ERG: variants seen among roughly 807,000 people sequenced by gnomAD.
ERG encodes the protein transcriptional regulator ERG.
A neutral mutation model predicts 55.3 loss-of-function variants in ERG; 9 were observed. That is an observed-to-expected ratio of 0.16 (90% CI 0.10 to 0.28). The LOEUF (loss-of-function observed/expected upper bound fraction) is 0.28. ERG is among the 10% of genes least tolerant of loss of function. ERG has a pLI of 1.00. For missense variants in ERG, 434 were observed against 631.6 expected, an observed-to-expected ratio of 0.69 and a Z score of 3.35; for synonymous variants, 223 against 237.3, an observed-to-expected ratio of 0.94 and a Z score of 0.55.
At chr21:38,390,445 A>AGAT (rs1210910842) in intron 9 of ERG, among the ~76,000 whole-genome samples, 1 of 152,116 alleles carries the variant, frequency 6.6e-6, no homozygotes, top group Non-Finnish European at 1.5e-5. Flanking sequence ...CCTTTTTTGG[A>AGAT]GATAAGATCC....
In ERG at chr21:38,623,176, T is replaced by TAC. The variant is rs541547007; in HGVS notation, c.-149-38233_-149-38232dup. 2.6e-3 allele frequency among the ~76,000 whole-genome samples: 368 copies of TAC among 143,866 alleles called. 1 individual carries two copies. Among genetic ancestry groups the TAC allele is most frequent in the African/African-American group, 8.8e-3 (337 of 38,324 alleles). The allele number at this position is 143,866 out of a possible 152,430, so 94.4% of individuals were successfully genotyped here. ...ACATGCCACACACACACACATTACA[T>TAC]ACACACTAAATACACACCACATGCT... On this transcript the variant is annotated intron_variant, in intron 1 of 10. Coordinates refer to the ERG transcript ENST00000398910.
chr21:38,555,711 C>T (rs2146825907), intron 2 of ERG, among the ~76,000 whole-genome samples: 1 of 152,250 alleles, frequency 6.6e-6, no homozygotes, highest in East Asian at 1.9e-4. Context: ...ATCATCAGTA[C>T]ACTTCTAATA....
intron 2 of ERG, among the ~76,000 whole-genome samples, chr21:38,541,839 T>C (rs1041072529): frequency 6.6e-6 from 1 of 152,138 alleles, no homozygotes; most frequent in Non-Finnish European, 1.5e-5. Context: ...GGTTGATAGG[T>C]GCAGGGAACC....
downstream of ERG, among the ~76,000 whole-genome samples, chr21:38,377,244 A>G (rs1987267488): frequency 6.6e-6 from 1 of 152,216 alleles, no homozygotes; most frequent in African/African-American, 2.4e-5. Context: ...AGTAGTAGCA[A>G]TTAGTATTAT....
chr21:38,632,115 C>T (rs1485342614), intron 1 of ERG, among the ~76,000 whole-genome samples: 2 of 152,084 alleles, frequency 1.3e-5, no homozygotes, highest in Non-Finnish European at 2.9e-5. Context: ...CTGTAGCCAA[C>T]CATCCAGATG....
At chr21:38,564,572 T>G (rs537713107) in intron 2 of ERG, among the ~76,000 whole-genome samples, 1 of 151,802 alleles carries the variant, frequency 6.6e-6, no homozygotes, top group East Asian at 1.9e-4. Context: ...CTGTCTGCAC[T>G]TCTTCTCTCT....
intron 1 of ERG, among the ~76,000 whole-genome samples, chr21:38,596,197 G>GT (rs1167267471): frequency 1.3e-5 from 2 of 152,192 alleles, no homozygotes; most frequent in Non-Finnish European, 2.9e-5. Flanking sequence ...GCAGTGCAAG[G>GT]TGCAGGCAGA....
chr21:38,464,731 A>G (rs1352111580), intron 1 of ERG, among the ~76,000 whole-genome samples: 1 of 151,804 alleles, frequency 6.6e-6, no homozygotes, highest in Non-Finnish European at 1.5e-5. Context: ...CTACCCCCCG[A>G]GAGGCCCTGG....
intron 1 of ERG, among the ~76,000 whole-genome samples, chr21:38,473,735 C>T (rs956762729): frequency 3.3e-5 from 5 of 152,042 alleles, no homozygotes; most frequent in African/African-American, 4.8e-5. Context: ...TTAAAGTTCA[C>T]TTAAGTTTTA....
intron 2 of ERG, among the ~76,000 whole-genome samples, chr21:38,430,684 T>C (rs554655422): frequency 1.3e-5 from 2 of 152,190 alleles, no homozygotes; most frequent in African/African-American, 4.8e-5. Flanking sequence ...GAGAAAGAAC[T>C]GAACAATAGC....
chr21:38,628,489 C>T (rs896569031), intron 1 of ERG, among the ~76,000 whole-genome samples: 3 of 152,096 alleles, frequency 2.0e-5, no homozygotes, highest in Non-Finnish European at 2.9e-5. Flanking sequence ...ATCTAAGGAC[C>T]GAGGGAGGGG....
At chr21:38,595,525 G>C (rs2060125809) in intron 1 of ERG, among the ~76,000 whole-genome samples, 1 of 152,208 alleles carries the variant, frequency 6.6e-6, no homozygotes, top group Admixed American at 6.5e-5. Flanking sequence ...TGTGAGGTTG[G>C]TCAATGGAAG....
At chr21:38,447,380 A>G (rs773915957) in intron 1 of ERG, among the ~76,000 whole-genome samples, 7 of 151,744 alleles carry the variant, frequency 4.6e-5, no homozygotes, top group Non-Finnish European at 4.4e-5. Flanking sequence ...CAGTAATGCA[A>G]AATGTACCAA....
chr21:38,542,741 C>CA (rs2059762065), intron 2 of ERG, among the ~76,000 whole-genome samples: 1 of 151,884 alleles, frequency 6.6e-6, no homozygotes, highest in Non-Finnish European at 1.5e-5. Flanking sequence ...TGATAAGAGA[C>CA]AAAATAAACA....
chr21:38,566,918 C>T (rs1296869813), intron 2 of ERG, among the ~76,000 whole-genome samples: 1 of 152,086 alleles, frequency 6.6e-6, no homozygotes, highest in African/African-American at 2.4e-5. Flanking sequence ...GGGAAACTGC[C>T]CCAGAGGGGG....
At chr21:38,618,246 A>G (rs1053515370) in intron 1 of ERG, among the ~76,000 whole-genome samples, 2 of 152,190 alleles carry the variant, frequency 1.3e-5, no homozygotes, top group African/African-American at 2.4e-5. Flanking sequence ...AGTGGTGAAA[A>G]CAGCCTTGTC....
At chr21:38,369,972 G>A in the ERG span, among the ~76,000 whole-genome samples, 1 of 151,980 alleles carries the variant, frequency 6.6e-6, no homozygotes, top group Non-Finnish European at 1.5e-5. Flanking sequence ...TGTTCCATTG[G>A]TCTATGTGTC....
intron 1 of ERG, among the ~76,000 whole-genome samples, chr21:38,596,058 G>T (rs865921936): frequency 1.4e-4 from 2 of 13,848 alleles, no homozygotes; most frequent in East Asian, 6.1e-3. Context: ...TGTGGGATTG[G>T]GGGGGGGGGG....
At chr21:38,369,181 G>A in the ERG span, among the ~76,000 whole-genome samples, 1 of 152,162 alleles carries the variant, frequency 6.6e-6, no homozygotes, top group African/African-American at 2.4e-5. Flanking sequence ...AGGTCTTTGA[G>A]GAATCACCAC....
Sources: gnomAD v4.1 joint callset for allele counts (sites outside exome capture counted in the v4.1 genomes callset) on GRCh38, gnomAD v4.1.1 for gene constraint, MANE v1.5 for transcripts, NCBI Gene and HGNC (gene_info 2026-07-23, HGNC 2026-07-21) for gene names.